ASXL2: variants seen among roughly 807,000 people sequenced by gnomAD.
ASXL2 encodes the protein putative Polycomb group protein ASXL2.
Under a neutral mutation model 122.0 loss-of-function variants are expected in ASXL2, and 23 were observed. That is an observed-to-expected ratio of 0.19 (90% confidence interval 0.14 to 0.27). The LOEUF (loss-of-function observed/expected upper bound fraction) is 0.27, where lower values mean the gene tolerates loss of function less well. Among genes scored for constraint, ASXL2 ranks in the 10% least tolerant of loss-of-function variants. The probability of loss-of-function intolerance (pLI) is 1.00; values close to 1 mark genes in which losing one functional copy is unlikely to be tolerated. For missense variants in ASXL2, 1,518 were observed against 1,713.8 expected (o/e 0.89, Z 2.02); for synonymous variants, 650 against 637.0 (o/e 1.02, Z -0.31).
At chr2:25,800,232 A>C (rs891579120) in intron 4 of ASXL2, among the ~76,000 whole-genome samples, 1 of 152,170 alleles carries the variant, frequency 6.6e-6, no homozygotes, top group African/African-American at 2.4e-5. Context: ...AGGAAGTTTG[A>C]GGCTGCAGTG....
At chr2:25,853,683 T>C (rs1474538241) in intron 1 of ASXL2, among the ~76,000 whole-genome samples, 2 of 152,072 alleles carry the variant, frequency 1.3e-5, no homozygotes, top group African/African-American at 4.8e-5. Flanking sequence ...CAAGGTGGCA[T>C]GCAGTTTTAT....
At chr2:25,762,549 C>T (rs1025851563) in intron 8 of ASXL2, among the ~76,000 whole-genome samples, 12 of 150,712 alleles carry the variant, frequency 8.0e-5, no homozygotes, top group Admixed American at 4.0e-4. Flanking sequence ...CCTGTAATCC[C>T]AGCTACTCAG....
At position 25,738,315 on chromosome 2, in the gene ASXL2, GTTTTACCTACTGTTCTC is replaced by G. The variant is rs530550053; in HGVS notation, c.*3697_*3713del. 2.0e-5 allele frequency: 3 copies of G among 152,186 alleles called. No individual in the cohort carries two copies. The South Asian group carries it at 6.2e-4, about 32-fold the overall frequency. The allele number at this position is 152,186 out of a possible 1,614,324, so 9.4% of individuals were successfully genotyped here. ...AGCTATTGCTTCAACTTTAGGAAATGTTTTACCTACTGTTCTCTTTCAATAGGTTTGTAGGTATTGAA... is the reference window on the plus strand; with the variant it reads ...AGCTATTGCTTCAACTTTAGGAAATGTTTCAATAGGTTTGTAGGTATTGAA... On this transcript the variant is annotated 3_prime_UTR_variant, in exon 13 of 13. Coordinates refer to ENST00000435504, the MANE Select transcript of ASXL2 (RefSeq NM_018263.6).
intron 1 of ASXL2, among the ~76,000 whole-genome samples, chr2:25,855,882 C>CATTCATTTATTTATTTATTT (rs2089771187): frequency 7.0e-6 from 1 of 142,464 alleles, no homozygotes; most frequent in Admixed American, 7.0e-5. Flanking sequence ...CTTGATAATG[C>CATTCATTTATTTATTTATTT]ATTTATTTAT....
intron 3 of ASXL2, among the ~76,000 whole-genome samples, chr2:25,834,892 G>A (rs11883694): frequency 0.043 from 6,478 of 151,914 alleles, 213 homozygotes; most frequent in African/African-American, 0.081. Context: ...GCATGATCTC[G>A]GCTCACTGCA....
At chr2:25,845,395 C>A in intron 2 of ASXL2, 86 bp downstream of exon 2, 2 of 1,340,346 alleles carry the variant, frequency 1.5e-6, no homozygotes, top group Non-Finnish European at 1.0e-6. Context: ...AGTAATTAAT[C>A]TTCAGGACTA....
At chr2:25,841,234 T>G (rs1462557453) in intron 2 of ASXL2, among the ~76,000 whole-genome samples, 1 of 152,178 alleles carries the variant, frequency 6.6e-6, no homozygotes, top group Non-Finnish European at 1.5e-5. Context: ...AGGACAAGGC[T>G]GCATTAAGCT....
chr2:25,875,130 C>T (rs1008970382), intron 1 of ASXL2, among the ~76,000 whole-genome samples: 4 of 152,050 alleles, frequency 2.6e-5, no homozygotes, highest in Non-Finnish European at 5.9e-5. Flanking sequence ...TACTAGAATG[C>T]TTTTTATAAC....
intron 1 of ASXL2, among the ~76,000 whole-genome samples, chr2:25,862,082 T>C (rs2089847506): frequency 6.6e-6 from 1 of 152,222 alleles, no homozygotes; most frequent in Non-Finnish European, 1.5e-5. Flanking sequence ...GGAGGAAACT[T>C]ATGTTACACA....
chr2:25,850,849 T>TA (rs770727839), intron 1 of ASXL2, among the ~76,000 whole-genome samples: 5 of 152,220 alleles, frequency 3.3e-5, no homozygotes, highest in Non-Finnish European at 7.4e-5. Context: ...CAATTCATAT[T>TA]AAAAAAGCAG....
Position 25,740,243 on chromosome 2 carries a change from G to A in ASXL2, c.*1786C>T, listed in dbSNP as rs1478778311. The A allele has an allele frequency of 4.5e-6, 1 of 221,712 alleles. No homozygotes were observed. The highest frequency in any genetic ancestry group is 6.6e-5 in the East Asian group (1 of 15,246). 13.7% of individuals were successfully genotyped at this position (221,712 alleles called of 1,614,324 possible). A position where few individuals can be genotyped will look rare whatever the true frequency, so the allele number is the denominator to read the frequency against. On this transcript the variant is annotated 3_prime_UTR_variant, in exon 13 of 13. Transcript: ENST00000435504. ...TTCTTACGGAGAGGAGCGGAGCAGG[G>A]GCTGTGGGAAAGCATCGAAGAGTGT...
chr2:25,871,480 C>CAA (rs1206421682), intron 1 of ASXL2, among the ~76,000 whole-genome samples: 1 of 143,976 alleles, frequency 6.9e-6, no homozygotes, highest in Non-Finnish European at 1.5e-5. Flanking sequence ...TTTAAGTGTT[C>CAA]AAAAAAAAAT....
At chr2:25,792,027 C>T (rs1370193210) in intron 5 of ASXL2, among the ~76,000 whole-genome samples, 5 of 152,148 alleles carry the variant, frequency 3.3e-5, no homozygotes, top group African/African-American at 7.2e-5. Context: ...GACAGGGTCT[C>T]GCTCTGTCAC....
chr2:25,776,717 A>G (rs963038120), intron 5 of ASXL2, among the ~76,000 whole-genome samples: 6 of 152,240 alleles, frequency 3.9e-5, no homozygotes, highest in African/African-American at 1.4e-4. Context: ...AGTAAAAGTT[A>G]AAACTATTAA....
chr2:25,755,985 C>G (rs377047395), intron 10 of ASXL2, 33 bp downstream of exon 10: 1 of 1,540,128 alleles, frequency 6.5e-7, no homozygotes, highest in Non-Finnish European at 9.0e-7. Context: ...AGTGCACACA[C>G]CACCTGGGAG....
At chr2:25,782,305 G>A (rs145481208) in intron 5 of ASXL2, among the ~76,000 whole-genome samples, 3,208 of 152,096 alleles carry the variant, frequency 0.021, 110 homozygotes, top group African/African-American at 0.07. Flanking sequence ...AGCACTTTGG[G>A]AGGCTGAGAT....
chr2:25,868,933 G>C (rs2089931979), intron 1 of ASXL2, among the ~76,000 whole-genome samples: 1 of 152,078 alleles, frequency 6.6e-6, no homozygotes, highest in African/African-American at 2.4e-5. Flanking sequence ...GGGAAGCTGA[G>C]GTGGGTGGAT....
chr2:25,819,017 T>G (rs946074872), intron 3 of ASXL2, among the ~76,000 whole-genome samples: 1 of 152,162 alleles, frequency 6.6e-6, no homozygotes, highest in Non-Finnish European at 1.5e-5. Flanking sequence ...TGTGGCCATG[T>G]TGGGGAAGGC....
intron 5 of ASXL2, among the ~76,000 whole-genome samples, chr2:25,798,249 C>T (rs1274094803): frequency 2.0e-5 from 3 of 151,986 alleles, no homozygotes; most frequent in East Asian, 1.9e-4. Context: ...GTGATGAAAT[C>T]GTCTGCACAA....
Sources: gnomAD v4.1 joint callset for allele counts (sites outside exome capture counted in the v4.1 genomes callset) on GRCh38, gnomAD v4.1.1 for gene constraint, MANE v1.5 for transcripts, NCBI Gene and HGNC (gene_info 2026-07-23, HGNC 2026-07-21) for gene names.